The following NRG2 variants were observed in gnomAD, a reference collection of about 807,000 sequenced individuals.
NRG2 encodes neuregulin 2.
A neutral mutation model predicts 73.9 loss-of-function variants in NRG2; 27 were observed. The ratio of observed to expected loss-of-function variants is 0.37; its 90% CI spans 0.27 to 0.50. The LOEUF is 0.50. Ranked by LOEUF, NRG2 falls within the 20% of genes least tolerant of loss-of-function variation. The pLI is 0.96. For synonymous variants in NRG2, 532 were observed against 541.0 expected, an observed-to-expected ratio of 0.98 and a Z score of 0.23; for missense variants, 1,126 against 1,210.1, an observed-to-expected ratio of 0.93 and a Z score of 1.03.
chr5:139,923,750 G>A (rs2126332504), intron 1 of NRG2, among the ~76,000 whole-genome samples: 1 of 152,264 alleles, frequency 6.6e-6, no homozygotes, highest in South Asian at 2.1e-4. Flanking sequence ...CATAAGGCCT[G>A]ACAAATGAGA....
chr5:139,853,060 T>TC lies in NRG2; in HGVS notation c.1293-34dup. 6.2e-7 allele frequency: 1 copy of TC among 1,610,368 alleles called. No homozygotes were observed. Among genetic ancestry groups the TC allele is most frequent in the Non-Finnish European group, 8.5e-7 (1 of 1,178,716 alleles). On this transcript the variant is annotated intron_variant, in intron 6 of 9. Coordinates refer to ENST00000361474, the MANE Select transcript of NRG2 (RefSeq NM_004883.3). This position sits in a 1 kb window ranked among gnomAD's most constrained non-coding sequence, Gnocchi z 4.1. ...AGGGAAGGGAAGGTGAGGCTGGCAT[T>TC]CCCCCCACTCGCCAACGATGAACTT...
At chr5:139,890,426 GTTCTTC>G (rs1464692398) in intron 1 of NRG2, among the ~76,000 whole-genome samples, 1 of 147,634 alleles carries the variant, frequency 6.8e-6, no homozygotes, top group African/African-American at 2.5e-5. Context: ...TATATTGCTG[GTTCTTC>G]TTCTTCGTCT....
intron 1 of NRG2, among the ~76,000 whole-genome samples, chr5:139,919,497 G>T (rs1019533386): frequency 6.6e-6 from 1 of 152,016 alleles, no homozygotes; most frequent in Non-Finnish European, 1.5e-5. Flanking sequence ...GTAGAGGTGG[G>T]TGTTAAGTAA....
rs954803024 is a variant in NRG2, at chr5:140,043,257, A to G, written c.-188T>C. ...CGGGCCGCGATGCGCAGCGCGGCGCAGCGCAGCGCTCCCACCCTGTGCGCC... is the reference window on the plus strand; with the variant it reads ...CGGGCCGCGATGCGCAGCGCGGCGCGGCGCAGCGCTCCCACCCTGTGCGCC... On this transcript the variant is annotated 5_prime_UTR_variant, in exon 1 of 10. Transcript: ENST00000361474. This position sits in a 1 kb window ranked among gnomAD's most constrained non-coding sequence, Gnocchi z 6.7. 17 of 602,710 alleles carry G rather than the reference A, an allele frequency of 2.8e-5. No homozygotes were observed. Among genetic ancestry groups the G allele is most frequent in the African/African-American group, 2.6e-4 (13 of 50,474 alleles). 37.3% of individuals were successfully genotyped at this position (602,710 alleles called of 1,614,324 possible).
In NRG2 at chr5:140,042,819, C is replaced by A. The variant is rs1313106831; in HGVS notation, c.251G>T (p.Arg84Leu). 5 of 1,474,948 alleles carry A rather than the reference C, an allele frequency of 3.4e-6. No homozygotes were observed. The highest frequency in any genetic ancestry group is 4.5e-6 in the Non-Finnish European group (5 of 1,117,408). The allele number at this position is 1,474,948 out of a possible 1,614,324, so 91.4% of individuals were successfully genotyped here. Residue 84 changes from arginine (R) to leucine (L), a missense_variant, in exon 1 of 10, where the codon CGT (arginine) becomes CTT (leucine). Around this residue, in one of 3 missense-constraint regions of NRG2, gnomAD observed 185 missense variants for 149.0 expected, o/e 1.24. Coordinates refer to ENST00000361474, the MANE Select transcript of NRG2 (RefSeq NM_004883.3). ...RSPAARRAAA[R>L]SRAAAAGGMR... ...GCCGCCGGCGGCTGCGGCTCGCGAACGGGCGGCGGCTCTCCGGGCTGCGGG... is the reference window on the plus strand; with the variant it reads ...GCCGCCGGCGGCTGCGGCTCGCGAAAGGGCGGCGGCTCTCCGGGCTGCGGG...
intron 1 of NRG2, among the ~76,000 whole-genome samples, chr5:139,921,204 C>T (rs35342155): frequency 0.21 from 32,147 of 152,168 alleles, 4,062 homozygotes; most frequent in African/African-American, 0.36. Flanking sequence ...GCAATTCCAA[C>T]TAAAATCCAG....
intron 1 of NRG2, among the ~76,000 whole-genome samples, chr5:139,922,352 T>C (rs1294013198): frequency 6.6e-6 from 1 of 152,056 alleles, no homozygotes; most frequent in Admixed American, 6.6e-5. Flanking sequence ...GAGAAGATGC[T>C]CCACATCATA....
chr5:139,897,555 G>T (rs933874131), intron 1 of NRG2, among the ~76,000 whole-genome samples: 11 of 152,156 alleles, frequency 7.2e-5, no homozygotes, highest in Non-Finnish European at 1.6e-4. Context: ...GCTGGTGGGG[G>T]CATGTGCTGC....
At chr5:139,859,090 G>A (rs956803830) in intron 5 of NRG2, among the ~76,000 whole-genome samples, 1 of 152,134 alleles carries the variant, frequency 6.6e-6, no homozygotes, top group African/African-American at 2.4e-5. Flanking sequence ...CTTGAGCTAT[G>A]GAGGAGCCTC....
intron 1 of NRG2, among the ~76,000 whole-genome samples, chr5:139,971,749 C>G (rs1042756770): frequency 6.6e-6 from 1 of 152,122 alleles, no homozygotes; most frequent in Admixed American, 6.6e-5. Flanking sequence ...AAATTATGCT[C>G]TAGCTCTATT....
intron 1 of NRG2, among the ~76,000 whole-genome samples, chr5:139,996,078 C>G (rs983608698): frequency 1.3e-5 from 2 of 152,078 alleles, no homozygotes; most frequent in African/African-American, 4.8e-5. Flanking sequence ...TTATTTCATC[C>G]TCAAATGAAT....
At chr5:139,913,183 CT>C (rs1375832468) in intron 1 of NRG2, among the ~76,000 whole-genome samples, 2 of 152,208 alleles carry the variant, frequency 1.3e-5, no homozygotes, top group Non-Finnish European at 2.9e-5. Context: ...CTTCTTAGGG[CT>C]GCAGGCAACA....
At chr5:140,025,142 C>G (rs1224966627) in intron 1 of NRG2, among the ~76,000 whole-genome samples, 4 of 152,204 alleles carry the variant, frequency 2.6e-5, no homozygotes, top group Admixed American at 2.0e-4. Context: ...GTACCCTCTT[C>G]CTCAACTAAA....
At chr5:139,927,120 A>G (rs1752115950) in intron 1 of NRG2, among the ~76,000 whole-genome samples, 1 of 152,046 alleles carries the variant, frequency 6.6e-6, no homozygotes, top group East Asian at 1.9e-4. Flanking sequence ...AATTTACCTA[A>G]CCTTAGTTTC....
chr5:139,938,974 AG>A (rs1460655995), intron 1 of NRG2, among the ~76,000 whole-genome samples: 3 of 144,604 alleles, frequency 2.1e-5, no homozygotes, highest in African/African-American at 7.9e-5. Flanking sequence ...GAAGGAAGGA[AG>A]GGAAGGAAGG....
intron 5 of NRG2, among the ~76,000 whole-genome samples, chr5:139,864,838 A>C (rs1762380806): frequency 6.6e-6 from 1 of 152,052 alleles, no homozygotes; most frequent in Non-Finnish European, 1.5e-5. Flanking sequence ...GGGCTCTGCA[A>C]ATGCTTCCTC....
At chr5:139,874,460 T>C (rs1763051833) in intron 3 of NRG2, among the ~76,000 whole-genome samples, 1 of 152,098 alleles carries the variant, frequency 6.6e-6, no homozygotes, top group East Asian at 1.9e-4. Flanking sequence ...CCTCCTTTAT[T>C]CCCCTATAGC....
intron 1 of NRG2, among the ~76,000 whole-genome samples, chr5:139,999,252 T>C (rs1171712046): frequency 6.6e-6 from 1 of 152,194 alleles, no homozygotes; most frequent in Non-Finnish European, 1.5e-5. Context: ...CTTATGCCGT[T>C]TCCTCATTCC....
At chr5:139,880,738 C>G in intron 3 of NRG2, 118 bp downstream of exon 3, 1 of 675,492 alleles carries the variant, frequency 1.5e-6, no homozygotes, top group Non-Finnish European at 2.6e-6. Flanking sequence ...ATGGCAGCAG[C>G]AGGAGGGAGG....
Sources: allele counts gnomAD v4.1 joint callset (sites outside exome capture counted in the v4.1 genomes callset), GRCh38; gene constraint gnomAD v4.1.1; regional missense constraint gnomAD v4.1.1; non-coding constraint Gnocchi (gnomAD v3.1); transcripts MANE v1.5; gene names NCBI Gene and HGNC (gene_info 2026-07-23, HGNC 2026-07-21).